The following PRKN variants were observed in gnomAD, a reference collection of about 807,000 sequenced individuals.
PRKN encodes E3 ubiquitin-protein ligase parkin.
Under a neutral mutation model 59.5 loss-of-function variants are expected in PRKN, and 56 were observed. The ratio of observed to expected loss-of-function variants is 0.94; its 90% CI spans 0.76 to 1.18. The LOEUF is 1.18. PRKN is among the 50% of genes most tolerant of loss of function. PRKN has a pLI of 0.00. For synonymous variants in PRKN, 250 were observed against 222.1 expected, an observed-to-expected ratio of 1.13 and a Z score of -1.12; for missense variants, 657 against 596.4, an observed-to-expected ratio of 1.10 and a Z score of -1.06.
chr6:162,158,419 T>TGTG (rs1359747073), intron 4 of PRKN, among the ~76,000 whole-genome samples: 1 of 127,578 alleles, frequency 7.8e-6, no homozygotes, highest in Non-Finnish European at 1.7e-5. Flanking sequence ...TGTTTGCGTT[T>TGTG]TTTTTTTTTT....
At chr6:162,666,401 T>A (rs932462309) in intron 1 of PRKN, among the ~76,000 whole-genome samples, 53 of 152,194 alleles carry the variant, frequency 3.5e-4, no homozygotes, top group Middle Eastern at 6.8e-3. Context: ...TATCATTTTT[T>A]AAAAATGGCA....
intron 9 of PRKN, among the ~76,000 whole-genome samples, chr6:161,420,504 TC>T (rs1194552760): frequency 6.6e-6 from 1 of 151,998 alleles, no homozygotes; most frequent in African/African-American, 2.4e-5. Flanking sequence ...TCCTTTATTT[TC>T]TTTTTTTTCT....
intron 6 of PRKN, among the ~76,000 whole-genome samples, chr6:161,886,068 G>A (rs62438277): frequency 0.025 from 3,862 of 152,186 alleles, 86 homozygotes; most frequent in Non-Finnish European, 0.038. Flanking sequence ...AAGAAGCTGC[G>A]AAAATAAAAT....
intron 2 of PRKN, among the ~76,000 whole-genome samples, chr6:162,425,902 C>T (rs933983962): frequency 1.3e-5 from 2 of 152,132 alleles, no homozygotes; most frequent in Non-Finnish European, 2.9e-5. Context: ...GGAAAGAAAG[C>T]CAAAGCTGAA....
chr6:162,109,869 G>C (rs1261334589), intron 4 of PRKN, among the ~76,000 whole-genome samples: 1 of 152,096 alleles, frequency 6.6e-6, no homozygotes, highest in Non-Finnish European at 1.5e-5. Context: ...CATTACTCAG[G>C]ATCTGAAGCA....
At chr6:161,678,216 C>CTTTTTTTTTTTTTTTTT (rs3066554) in intron 7 of PRKN, among the ~76,000 whole-genome samples, 8 of 64,948 alleles carry the variant, frequency 1.2e-4, no homozygotes, top group South Asian at 7.1e-4. Context: ...TACTGAATCA[C>CTTTTTTTTTTTTTTTTT]TTTTTTTTTT....
At chr6:162,482,599 A>G (rs1291078829) in intron 1 of PRKN, among the ~76,000 whole-genome samples, 1 of 152,232 alleles carries the variant, frequency 6.6e-6, no homozygotes, top group Non-Finnish European at 1.5e-5. Flanking sequence ...TGTGACATCT[A>G]ATGTTGATTG....
At chr6:161,952,596 G>A (rs1780030245) in intron 6 of PRKN, among the ~76,000 whole-genome samples, 1 of 152,140 alleles carries the variant, frequency 6.6e-6, no homozygotes, top group South Asian at 2.1e-4. Flanking sequence ...TCAAGACTGG[G>A]TGACAGTGAG....
At chr6:162,617,326 G>A (rs1332611732) in intron 1 of PRKN, among the ~76,000 whole-genome samples, 1 of 152,122 alleles carries the variant, frequency 6.6e-6, no homozygotes. Flanking sequence ...ACACTTCCCA[G>A]GTTCAAGCTA....
At chr6:162,475,160 G>GA (rs1791941435) in intron 1 of PRKN, among the ~76,000 whole-genome samples, 1 of 152,080 alleles carries the variant, frequency 6.6e-6, no homozygotes, top group African/African-American at 2.4e-5. Flanking sequence ...GAGCAGGCAA[G>GA]AAAAATTATT....
intron 10 of PRKN, among the ~76,000 whole-genome samples, chr6:161,384,119 G>C (rs1198481256): frequency 6.6e-6 from 1 of 152,128 alleles, no homozygotes; most frequent in African/African-American, 2.4e-5. Context: ...TATCATGTCA[G>C]TTGCTTGTGC....
At position 162,510,402 on chromosome 6, in the gene PRKN, C is replaced by A. The variant is rs111651051; in HGVS notation, c.8-66929G>T. 1.1e-3 allele frequency among the ~76,000 whole-genome samples: 170 copies of A among 152,152 alleles called. 2 individuals carry two copies. Among genetic ancestry groups the A allele is most frequent in the African/African-American group, 3.4e-3 (142 of 41,530 alleles). On this transcript the variant is annotated intron_variant, in intron 1 of 11. Coordinates refer to ENST00000366898, the MANE Select transcript of PRKN (RefSeq NM_004562.3). ...AGGTGCTTTCTCACGTGTGAGAGGG[C>A]GACACTCCTAGGTAAGTCTGGCCAC...
chr6:161,700,017 C>T (rs943639250), intron 7 of PRKN, among the ~76,000 whole-genome samples: 26 of 151,914 alleles, frequency 1.7e-4, no homozygotes, highest in Non-Finnish European at 3.5e-4. Flanking sequence ...TCTTCCTTGA[C>T]CTGCTTTGTC....
At chr6:162,548,822 C>A (rs927876055) in intron 1 of PRKN, among the ~76,000 whole-genome samples, 19 of 152,040 alleles carry the variant, frequency 1.2e-4, no homozygotes, top group Admixed American at 1.0e-3. Context: ...AGTTAAATAA[C>A]TTGACATTTT....
At chr6:161,687,366 G>C (rs1454514394) in intron 7 of PRKN, among the ~76,000 whole-genome samples, 3 of 104,734 alleles carry the variant, frequency 2.9e-5, no homozygotes, top group Non-Finnish European at 5.4e-5. Flanking sequence ...TCCAGCCTGG[G>C]AGACAGAGAG....
At chr6:161,512,984 T>C (rs1778449270) in intron 9 of PRKN, among the ~76,000 whole-genome samples, 1 of 152,194 alleles carries the variant, frequency 6.6e-6, no homozygotes. Flanking sequence ...TTAACCTGCC[T>C]TCCTCTTGCC....
intron 4 of PRKN, among the ~76,000 whole-genome samples, chr6:162,062,842 T>G (rs1468094164): frequency 6.6e-6 from 1 of 152,176 alleles, no homozygotes; most frequent in African/African-American, 2.4e-5. Context: ...TATGTACTTG[T>G]CAGAACTCCT....
chr6:162,324,795 C>T (rs1783191739), intron 2 of PRKN, among the ~76,000 whole-genome samples: 4 of 151,876 alleles, frequency 2.6e-5, no homozygotes, highest in Non-Finnish European at 4.4e-5. Context: ...TGTATATGTA[C>T]TGGAATGTGT....
chr6:161,728,593 T>C (rs1265949824), intron 7 of PRKN, among the ~76,000 whole-genome samples: 2 of 152,206 alleles, frequency 1.3e-5, no homozygotes, highest in Non-Finnish European at 2.9e-5. Context: ...TAGATGCTCA[T>C]GGTTAAAAAC....
Sources: gnomAD v4.1 joint callset for allele counts (sites outside exome capture counted in the v4.1 genomes callset) on GRCh38, gnomAD v4.1.1 for gene constraint, MANE v1.5 for transcripts, NCBI Gene and HGNC (gene_info 2026-07-23, HGNC 2026-07-21) for gene names.